The following EPHA3 variants were observed in gnomAD, a reference collection of about 807,000 sequenced individuals.
EPHA3 encodes EPH receptor A3.
A neutral mutation model predicts 107.1 loss-of-function variants in EPHA3; 42 were observed. The ratio of observed to expected loss-of-function variants is 0.39; its 90% CI spans 0.31 to 0.51. The LOEUF (loss-of-function observed/expected upper bound fraction) is 0.51. EPHA3 is among the 20% of genes least tolerant of loss of function. EPHA3 has a pLI of 0.78. For synonymous variants in EPHA3, 461 were observed against 424.8 expected (o/e 1.09, Z -1.05); for missense variants, 1,183 against 1,211.2 (o/e 0.98, Z 0.35).
intron 5 of EPHA3, among the ~76,000 whole-genome samples, chr3:89,380,782 T>G (rs987092040): frequency 1.3e-5 from 2 of 151,886 alleles, no homozygotes; most frequent in African/African-American, 2.4e-5. Context: ...TTTTTTTTTT[T>G]TTTTTTAATG....
rs1263058019 is a variant in EPHA3 at position 89,449,268 on chromosome 3, C to A, written c.2390C>A (p.Ala797Asp). ...PIRWTSPEAI[A>D]YRKFTSASDV... Reference sequence around the variant, plus strand: ...AGGTGGACATCACCAGAAGCTATAGCCTACCGCAAGTTCACGTCAGCCAGC... The same window carrying A: ...AGGTGGACATCACCAGAAGCTATAGACTACCGCAAGTTCACGTCAGCCAGC... The change falls in exon 14 of 17, where the codon GCC becomes GAC. Residue 797 changes from alanine to aspartate, a missense_variant. By Grantham distance (126) the Ala-to-Asp change is moderately radical. Transcript: ENST00000336596. The A allele has an allele frequency of 6.2e-7, 1 of 1,611,618 alleles. No individual in the cohort carries two copies. Among genetic ancestry groups the A allele is most frequent in the Non-Finnish European group, 8.5e-7 (1 of 1,178,358 alleles).
intron 2 of EPHA3, among the ~76,000 whole-genome samples, chr3:89,190,866 C>G (rs187597594): frequency 1.1e-3 from 168 of 152,206 alleles, no homozygotes; most frequent in African/African-American, 3.8e-3. Flanking sequence ...TATAAGGCCT[C>G]CGTAGTATCG....
intron 2 of EPHA3, among the ~76,000 whole-genome samples, chr3:89,206,572 C>T (rs182788782): frequency 4.0e-4 from 61 of 152,214 alleles, no homozygotes; most frequent in African/African-American, 1.5e-3. Flanking sequence ...CATTGTAGAA[C>T]CAAGGTAATG....
At chr3:89,232,571 A>G (rs1704663560) in intron 3 of EPHA3, among the ~76,000 whole-genome samples, 1 of 152,162 alleles carries the variant, frequency 6.6e-6, no homozygotes, top group Admixed American at 6.5e-5. Flanking sequence ...ATATCTTTCT[A>G]TTTTAGGTTA....
chr3:89,229,383 C>T (rs1704574796), intron 3 of EPHA3, among the ~76,000 whole-genome samples: 1 of 151,750 alleles, frequency 6.6e-6, no homozygotes, highest in Non-Finnish European at 1.5e-5. Flanking sequence ...ATAAGATTTT[C>T]TGGTGCTTGC....
At chr3:89,230,666 T>G (rs1704606870) in intron 3 of EPHA3, among the ~76,000 whole-genome samples, 1 of 152,094 alleles carries the variant, frequency 6.6e-6, no homozygotes, top group Admixed American at 6.6e-5. Flanking sequence ...GGGAAAGAAT[T>G]TTGATCAAGG....
At chr3:89,304,843 C>G (rs1306832206) in intron 3 of EPHA3, among the ~76,000 whole-genome samples, 1 of 152,144 alleles carries the variant, frequency 6.6e-6, no homozygotes, top group Admixed American at 6.6e-5. Flanking sequence ...CTTTCTTCTA[C>G]TTACTGATTA....
intron 3 of EPHA3, among the ~76,000 whole-genome samples, chr3:89,323,274 TCACATGTAATTC>T (rs900656081): frequency 5.3e-5 from 8 of 152,138 alleles, no homozygotes; most frequent in African/African-American, 1.9e-4. Flanking sequence ...ATATTTATAC[TCACATGTAATTC>T]CTACAAAATC....
chr3:89,346,938 C>A (rs1408382008), intron 5 of EPHA3, among the ~76,000 whole-genome samples: 2 of 146,708 alleles, frequency 1.4e-5, no homozygotes, highest in East Asian at 2.0e-4. Context: ...AGGTACGCGG[C>A]GTTATTTCTG....
intron 5 of EPHA3, among the ~76,000 whole-genome samples, chr3:89,384,991 C>T (rs151258668): frequency 9.3e-4 from 141 of 152,180 alleles, no homozygotes; most frequent in Non-Finnish European, 2.5e-4. Flanking sequence ...TATTGTAGAA[C>T]ATCCCAGCAA....
chr3:89,260,761 CATA>C (rs1361878715), intron 3 of EPHA3, among the ~76,000 whole-genome samples: 3 of 152,192 alleles, frequency 2.0e-5, no homozygotes, highest in African/African-American at 7.2e-5. Flanking sequence ...ATTGACAGAA[CATA>C]ATATTACTCC....
At chr3:89,420,738 T>G (rs1709337212) in intron 11 of EPHA3, among the ~76,000 whole-genome samples, 1 of 151,556 alleles carries the variant, frequency 6.6e-6, no homozygotes, top group African/African-American at 2.4e-5. Flanking sequence ...ATTTAGCCAT[T>G]TAATGTTCTC....
At chr3:89,324,189 AC>A (rs1371297143) in intron 3 of EPHA3, among the ~76,000 whole-genome samples, 1 of 141,750 alleles carries the variant, frequency 7.1e-6, no homozygotes, top group Non-Finnish European at 1.5e-5. Flanking sequence ...AATTTTTGAG[AC>A]AACATCTCAC....
chr3:89,108,943 T>C (rs1190059629), intron 1 of EPHA3, among the ~76,000 whole-genome samples: 2 of 152,202 alleles, frequency 1.3e-5, no homozygotes, highest in Admixed American at 6.5e-5. Flanking sequence ...AAACATCATG[T>C]TATATACATC....
chr3:89,258,946 A>G (rs1044135361), intron 3 of EPHA3, among the ~76,000 whole-genome samples: 1 of 152,100 alleles, frequency 6.6e-6, no homozygotes, highest in African/African-American at 2.4e-5. Flanking sequence ...ACAACAATGA[A>G]AAGTCAATGT....
At chr3:89,366,165 G>T (rs188299105) in intron 5 of EPHA3, among the ~76,000 whole-genome samples, 3 of 150,350 alleles carry the variant, frequency 2.0e-5, no homozygotes, top group Non-Finnish European at 4.5e-5. Context: ...ATGCATTTGG[G>T]AAAAAAACAG....
At chr3:89,197,869 G>A (rs561195426) in intron 2 of EPHA3, among the ~76,000 whole-genome samples, 39 of 152,138 alleles carry the variant, frequency 2.6e-4, no homozygotes, top group African/African-American at 9.2e-4. Flanking sequence ...CCAGCTACTG[G>A]GGAGGCTGAG....
At chr3:89,222,194 G>A (rs1028380812) in intron 3 of EPHA3, among the ~76,000 whole-genome samples, 3 of 151,878 alleles carry the variant, frequency 2.0e-5, no homozygotes, top group Non-Finnish European at 4.4e-5. Flanking sequence ...TGTGCCCAAT[G>A]TGTATGCTTG....
At chr3:89,217,858 A>G (rs1293880683) in intron 3 of EPHA3, among the ~76,000 whole-genome samples, 1 of 152,210 alleles carries the variant, frequency 6.6e-6, no homozygotes, top group African/African-American at 2.4e-5. Context: ...ATTGTGCACC[A>G]GGAACATGTA....
Sources: allele counts gnomAD v4.1 joint callset (sites outside exome capture counted in the v4.1 genomes callset), GRCh38; gene constraint gnomAD v4.1.1; transcripts MANE v1.5; gene names NCBI Gene and HGNC (gene_info 2026-07-23, HGNC 2026-07-21).